The following MID1 variants were observed in gnomAD, a reference collection of about 807,000 sequenced individuals.
MID1 encodes midline 1, also known as E3 ubiquitin-protein ligase Midline-1.
Under a neutral mutation model 40.4 loss-of-function variants are expected in MID1, and 7 were observed. The observed-to-expected ratio is 0.17, with a 90% confidence interval of 0.10 to 0.33. The LOEUF is 0.33. MID1 is among the 10% of genes least tolerant of loss of function. The pLI is 1.00. For missense variants in MID1, 367 were observed against 558.5 expected (o/e 0.66, Z 3.46); for synonymous variants, 229 against 221.2 (o/e 1.04, Z -0.31).
chrX:10,774,351 A>C (rs1203539201), intron 1 of MID1, among the ~76,000 whole-genome samples: 2 of 110,663 alleles, frequency 1.8e-5, no homozygotes, highest in Non-Finnish European at 3.8e-5. Flanking sequence ...TACTCAAAAG[A>C]AACAGCCATG....
chrX:10,727,195 A>G (rs769662077), intron 1 of MID1, among the ~76,000 whole-genome samples: 2 of 111,174 alleles, frequency 1.8e-5, no homozygotes, highest in Non-Finnish European at 3.8e-5. Context: ...GCTCACTACA[A>G]CCTCCTCCTC....
At chrX:10,825,681 A>G (rs1486534635) in intron 1 of MID1, among the ~76,000 whole-genome samples, 1 of 111,485 alleles carries the variant, frequency 9.0e-6, no homozygotes, top group Non-Finnish European at 1.9e-5. Context: ...AGGGGGTTGG[A>G]ATGAAATAGA....
rs1928059228 is a variant in MID1, at chrX:10,446,819, CTTGG to C, written c.*2545_*2548del. 1 of 111,815 alleles carries C rather than the reference CTTGG, an allele frequency of 8.9e-6. No individual in the cohort carries two copies. Among genetic ancestry groups the C allele is most frequent in the South Asian group, 3.7e-4 (1 of 2,673 alleles). The allele number at this position is 111,815 out of a possible 1,213,427, so 9.2% of individuals were successfully genotyped here. A position where few individuals can be genotyped will look rare whatever the true frequency, so the allele number is the denominator to read the frequency against. On this transcript the variant is annotated 3_prime_UTR_variant, in exon 10 of 10. Transcript: ENST00000317552. ...TACCCATGACACCAGACCTGGCAGT[CTTGG>C]TTGGTGCTGCATTGATTTTGTTGTA...
chrX:10,592,857 G>T (rs1478823994), intron 1 of MID1, among the ~76,000 whole-genome samples: 2 of 111,911 alleles, frequency 1.8e-5, no homozygotes, highest in East Asian at 2.8e-4. Flanking sequence ...TACAATGCTT[G>T]AGTCCACTTT....
chrX:10,805,915 GTTGT>G (rs1425062304), intron 1 of MID1, among the ~76,000 whole-genome samples: 6 of 109,883 alleles, frequency 5.5e-5, no homozygotes, highest in African/African-American at 9.9e-5. Flanking sequence ...TTTTGATGGG[GTTGT>G]TTGTTTTTTT....
chrX:10,545,395 C>T (rs750797476), intron 2 of MID1, among the ~76,000 whole-genome samples: 1 of 112,161 alleles, frequency 8.9e-6, no homozygotes, highest in Non-Finnish European at 1.9e-5. Context: ...GCCTTTCTTT[C>T]GTTAAGTGTG....
intron 1 of MID1, among the ~76,000 whole-genome samples, chrX:10,709,284 TA>T (rs960005296): frequency 8.9e-6 from 1 of 112,273 alleles, no homozygotes; most frequent in African/African-American, 3.2e-5. Flanking sequence ...ACAACAGCAA[TA>T]ACCAAAAAGG....
At chrX:10,822,584 C>T (rs1267736007) in intron 1 of MID1, among the ~76,000 whole-genome samples, 5 of 111,497 alleles carry the variant, frequency 4.5e-5, no homozygotes, top group Non-Finnish European at 9.4e-5. Flanking sequence ...TTCACTCTGT[C>T]CATCCTACAA....
At chrX:10,592,953 A>G (rs769864236) in intron 1 of MID1, among the ~76,000 whole-genome samples, 3 of 112,440 alleles carry the variant, frequency 2.7e-5, no homozygotes, top group African/African-American at 6.5e-5. Flanking sequence ...GATCATCATT[A>G]AAAAGACCTT....
chrX:10,455,715 A>G (rs1928619445), intron 8 of MID1, among the ~76,000 whole-genome samples: 1 of 112,215 alleles, frequency 8.9e-6, no homozygotes, highest in Non-Finnish European at 1.9e-5. Flanking sequence ...TAAAAATTAA[A>G]GCATTACTCT....
At chrX:10,705,011 C>G (rs776620960) in intron 1 of MID1, among the ~76,000 whole-genome samples, 2 of 111,046 alleles carry the variant, frequency 1.8e-5, no homozygotes, top group African/African-American at 6.5e-5. Context: ...ATCCACCTGC[C>G]TTGGCCTCCC....
At chrX:10,558,742 CA>C (rs1251938954) in intron 2 of MID1, among the ~76,000 whole-genome samples, 1 of 112,698 alleles carries the variant, frequency 8.9e-6, no homozygotes, top group Non-Finnish European at 1.9e-5. Flanking sequence ...TTTGCTCTCC[CA>C]ATTTTCTGTG....
upstream of MID1, among the ~76,000 whole-genome samples, chrX:10,624,291 G>A (rs775353817): frequency 7.2e-5 from 8 of 111,850 alleles, no homozygotes; most frequent in African/African-American, 2.6e-4. Context: ...CAGTGCAATC[G>A]CTATTGCTTG....
intron 1 of MID1, among the ~76,000 whole-genome samples, chrX:10,683,352 C>G (rs1340316817): frequency 1.8e-5 from 2 of 110,932 alleles, no homozygotes; most frequent in Non-Finnish European, 3.8e-5. Context: ...TTGATACCAG[C>G]CTGGCAATAT....
At chrX:10,572,219 C>CACACACAT (rs1555906320) in intron 1 of MID1, among the ~76,000 whole-genome samples, 1 of 100,667 alleles carries the variant, frequency 9.9e-6, no homozygotes, top group Non-Finnish European at 2.0e-5. Flanking sequence ...CACACACACA[C>CACACACAT]ATATATATAT....
chrX:10,536,189 C>T (rs140206094), intron 2 of MID1, among the ~76,000 whole-genome samples: 7,204 of 111,659 alleles, frequency 0.065, 207 homozygotes, highest in Middle Eastern at 0.11. Flanking sequence ...CGTGCCACTG[C>T]ACTCCAGCCT....
At chrX:10,527,701 G>A (rs532527860) in intron 2 of MID1, among the ~76,000 whole-genome samples, 2 of 111,205 alleles carry the variant, frequency 1.8e-5, no homozygotes, top group African/African-American at 6.6e-5. Context: ...GCCCTCAAGT[G>A]GCAATTACTG....
At chrX:10,559,170 A>G (rs1005333182) in intron 2 of MID1, among the ~76,000 whole-genome samples, 6 of 112,616 alleles carry the variant, frequency 5.3e-5, no homozygotes, top group African/African-American at 1.9e-4. Context: ...TTTTAATCAC[A>G]TGGAAACTAT....
chrX:10,767,581 A>T (rs760377887), intron 1 of MID1, among the ~76,000 whole-genome samples: 2 of 111,831 alleles, frequency 1.8e-5, no homozygotes, highest in Non-Finnish European at 3.8e-5. Flanking sequence ...GGCCTCCCAA[A>T]GTGCTGGGAT....
Sources: gnomAD v4.1 joint callset for allele counts (sites outside exome capture counted in the v4.1 genomes callset) on GRCh38, gnomAD v4.1.1 for gene constraint, MANE v1.5 for transcripts, NCBI Gene and HGNC (gene_info 2026-07-23, HGNC 2026-07-21) for gene names.